UBE2B: variants seen among roughly 807,000 people sequenced by gnomAD.
UBE2B encodes the protein ubiquitin conjugating enzyme E2 B, also known as ubiquitin-conjugating enzyme E2 B.
In UBE2B, 11 loss-of-function variants were observed where a neutral mutation model predicts 24.6. The observed-to-expected ratio is 0.45, with a 90% CI of 0.28 to 0.74. UBE2B has a LOEUF of 0.74. Among genes scored for constraint, UBE2B ranks in the 30% least tolerant of loss-of-function variants. The pLI, the probability that UBE2B is intolerant of heterozygous loss-of-function variation, is 0.13. For synonymous variants in UBE2B, 68 were observed against 62.4 expected, an observed-to-expected ratio of 1.09 and a Z score of -0.42; for missense variants, 78 against 185.6, an observed-to-expected ratio of 0.42 and a Z score of 3.37.
chr5:134,378,822 G>A (rs570577711), intron 3 of UBE2B, among the ~76,000 whole-genome samples: 5 of 151,878 alleles, frequency 3.3e-5, no homozygotes, highest in African/African-American at 9.7e-5. Flanking sequence ...CCAGCTACTC[G>A]GGAGACTGAG....
intron 4 of UBE2B, among the ~76,000 whole-genome samples, chr5:134,382,543 G>T (rs549982633): frequency 3.3e-4 from 50 of 152,306 alleles, no homozygotes; most frequent in African/African-American, 1.1e-3. Context: ...GAAGGCTGAG[G>T]AGGGTGGATT....
rs1175050754 is a variant in UBE2B at position 134,374,684 on chromosome 5, G to A, written c.125+221G>A. The A allele has an allele frequency of 2.1e-5, 11 of 521,894 alleles. No homozygotes were observed. The East Asian group carries it at 4.0e-4, about 19-fold the overall frequency. The allele number at this position is 521,894 out of a possible 1,614,324, so 32.3% of individuals were successfully genotyped here. On this transcript the variant is annotated intron_variant, in intron 2 of 5. Transcript: ENST00000265339. ...ATCGCTGGAGCCCAGGAGTTCACCA[G>A]CCTGGGCGATATAGTGAGACAGTGA...
At position 134,391,902 on chromosome 5, in the gene UBE2B, G is replaced by C. The variant is rs537896962; in HGVS notation, c.*1549G>C. The C allele has an allele frequency of 1.3e-5, 2 of 152,304 alleles. No homozygotes were observed. The highest frequency in any genetic ancestry group is 4.1e-4 in the South Asian group (2 of 4,828). 9.4% of individuals were successfully genotyped at this position (152,304 alleles called of 1,614,324 possible). ...AATAGCTTATGCCTAGGAGGTTGAG[G>C]CTGCAGTGAGCTGTGATTATGCCAT... On this transcript the variant is annotated 3_prime_UTR_variant, in exon 6 of 6. Transcript: ENST00000265339.
intron 1 of UBE2B, among the ~76,000 whole-genome samples, chr5:134,372,512 C>T (rs1200557612): frequency 6.6e-6 from 1 of 152,178 alleles, no homozygotes; most frequent in Non-Finnish European, 1.5e-5. Context: ...CATTTTGATA[C>T]TCTGCACATT....
chr5:134,390,098 T>C lies in UBE2B; in HGVS notation c.331-127T>C, dbSNP rs1758877131. 8.6e-7 allele frequency: 1 copy of C among 1,167,254 alleles called. No homozygotes were observed. Among genetic ancestry groups the C allele is most frequent in the Non-Finnish European group, 1.2e-6 (1 of 808,376 alleles). The allele number at this position is 1,167,254 out of a possible 1,614,324, so 72.3% of individuals were successfully genotyped here. On this transcript the variant is annotated intron_variant, in intron 5 of 5. Coordinates refer to ENST00000265339, the MANE Select transcript of UBE2B (RefSeq NM_003337.4). The surrounding 1 kb of genome is among the most constrained non-coding windows in gnomAD (Gnocchi z 4.6). ...CTAAAAGTATTTAGACCCAAAATTA[T>C]ATGACATGTTAATCTCTGAAGTAAT... is the stretch of plus-strand genomic sequence containing the variant.
chr5:134,387,629 C>G (rs1296866852), intron 4 of UBE2B, among the ~76,000 whole-genome samples: 3 of 152,058 alleles, frequency 2.0e-5, no homozygotes, highest in Non-Finnish European at 4.4e-5. Context: ...GCTGTGACAT[C>G]CCATGGTGGA....
chr5:134,383,764 A>G (rs189235933), intron 4 of UBE2B, among the ~76,000 whole-genome samples: 42 of 152,126 alleles, frequency 2.8e-4, no homozygotes, highest in African/African-American at 9.6e-4. Context: ...CCGGCCTCAA[A>G]ATAAATCTTT....
At chr5:134,384,197 G>T (rs571269774) in intron 4 of UBE2B, among the ~76,000 whole-genome samples, 1 of 152,238 alleles carries the variant, frequency 6.6e-6, no homozygotes, top group African/African-American at 2.4e-5. Context: ...AGGTCCTCTT[G>T]GTCGTGTCTC....
intron 5 of UBE2B, among the ~76,000 whole-genome samples, chr5:134,389,486 A>T (rs957136950): frequency 3.9e-4 from 59 of 152,068 alleles, no homozygotes; most frequent in African/African-American, 1.3e-3. Context: ...GAACGTCTCA[A>T]TATGCTTAAG....
At chr5:134,377,208 C>T (rs746913168) in intron 3 of UBE2B, among the ~76,000 whole-genome samples, 2 of 152,122 alleles carry the variant, frequency 1.3e-5, no homozygotes, top group Non-Finnish European at 2.9e-5. Flanking sequence ...AGTTCTAATA[C>T]CGAATTTATA....
At chr5:134,375,721 C>T (rs184325858) in intron 2 of UBE2B, among the ~76,000 whole-genome samples, 1,661 of 149,050 alleles carry the variant, frequency 0.011, 40 homozygotes, top group African/African-American at 0.04. Context: ...ATGGCGTGAA[C>T]CCCAGGGGGC....
chr5:134,372,750 G>A (rs1226781735), intron 1 of UBE2B, among the ~76,000 whole-genome samples: 1 of 152,120 alleles, frequency 6.6e-6, no homozygotes, highest in African/African-American at 2.4e-5. Context: ...GGCCTAATTT[G>A]CTTGAGATTG....
At position 134,374,470 on chromosome 5, in the gene UBE2B, T is replaced by G. The variant is rs1758564853; in HGVS notation, c.125+7T>G. On this transcript the variant is annotated splice_region_variant and intron_variant, in intron 2 of 5. Coordinates refer to ENST00000265339, the MANE Select transcript of UBE2B (RefSeq NM_003337.4). Reference sequence around the variant, plus strand: ...GGAATGCAGTTATATTTGGGTGAGTTGAAAGGTTTAACAAATAATAGGTGT... The same window carrying G: ...GGAATGCAGTTATATTTGGGTGAGTGGAAAGGTTTAACAAATAATAGGTGT... 6.4e-7 allele frequency: 1 copy of G among 1,552,546 alleles called. No homozygotes were observed. Among genetic ancestry groups the G allele is most frequent in the African/African-American group, 1.4e-5 (1 of 73,212 alleles).
intron 4 of UBE2B, among the ~76,000 whole-genome samples, chr5:134,386,996 G>T (rs1336431193): frequency 6.9e-6 from 1 of 144,050 alleles, no homozygotes; most frequent in Non-Finnish European, 1.5e-5. Context: ...GTCTCGCTCT[G>T]TCGCCCAGGC....
At chr5:134,384,459 C>G (rs998357037) in intron 4 of UBE2B, among the ~76,000 whole-genome samples, 2 of 151,834 alleles carry the variant, frequency 1.3e-5, no homozygotes, top group African/African-American at 4.8e-5. Context: ...CTTTATCTTG[C>G]TTAGACTTGT....
At chr5:134,387,994 G>T in intron 4 of UBE2B, 1 of 280,546 alleles carries the variant, frequency 3.6e-6, no homozygotes, top group South Asian at 4.2e-5. Context: ...GTAGAGATGG[G>T]GTTTCACTGT....
intron 4 of UBE2B, among the ~76,000 whole-genome samples, chr5:134,386,859 C>T (rs1004960735): frequency 2.0e-5 from 3 of 151,708 alleles, no homozygotes; most frequent in African/African-American, 4.8e-5. Flanking sequence ...AGATATGTAT[C>T]ATTTCTGGTG....
chr5:134,376,614 T>G, intron 2 of UBE2B, 55 bp from the exon 3 acceptor site: 1 of 1,585,822 alleles, frequency 6.3e-7, no homozygotes, highest in Non-Finnish European at 8.6e-7. Flanking sequence ...TTCTTGAAAA[T>G]CAAGAAAAAG....
chr5:134,377,446 G>A (rs1758627658), intron 3 of UBE2B, among the ~76,000 whole-genome samples: 1 of 152,154 alleles, frequency 6.6e-6, no homozygotes, highest in African/African-American at 2.4e-5. Flanking sequence ...CTGGATTCTG[G>A]AATATGTACC....
Sources: allele counts gnomAD v4.1 joint callset (sites outside exome capture counted in the v4.1 genomes callset), GRCh38; gene constraint gnomAD v4.1.1; non-coding constraint Gnocchi (gnomAD v3.1); transcripts MANE v1.5; gene names NCBI Gene and HGNC (gene_info 2026-07-23, HGNC 2026-07-21).